The following SPAG17 variants were observed in gnomAD, a reference collection of about 807,000 sequenced individuals.
The protein encoded by SPAG17 is sperm associated antigen 17.
SPAG17 carries 169 observed loss-of-function variants against 273.6 expected under a neutral mutation model. That is an observed-to-expected ratio of 0.62 (90% CI 0.55 to 0.70). SPAG17 has a LOEUF of 0.70. Among genes scored for constraint, SPAG17 ranks in the 30% least tolerant of loss-of-function variants. The probability of loss-of-function intolerance (pLI) is 0.00; values close to 1 mark genes in which losing one functional copy is unlikely to be tolerated. For synonymous variants in SPAG17, 825 were observed against 873.2 expected, an observed-to-expected ratio of 0.94 and a Z score of 0.97; for missense variants, 2,557 against 2,627.8, an observed-to-expected ratio of 0.97 and a Z score of 0.59.
intron 40 of SPAG17, among the ~76,000 whole-genome samples, chr1:117,986,663 C>T (rs574495262): frequency 3.9e-5 from 6 of 152,336 alleles, no homozygotes; most frequent in African/African-American, 1.4e-4. Context: ...TATACCCCAT[C>T]TCTCAATCTC....
rs56029752 is a variant in SPAG17, at chr1:118,062,366, CAAA to C, written c.2540+4376_2540+4378del. Among the ~76,000 whole-genome samples, 329 of 46,408 alleles carry C rather than the reference CAAA, an allele frequency of 7.1e-3. 14 individuals are homozygous for C. The highest frequency in any genetic ancestry group is 0.033 in the African/African-American group (307 of 9,166). The allele number at this position is 46,408 out of a possible 152,430, so 30.4% of individuals were successfully genotyped here. On this transcript the variant is annotated intron_variant, in intron 18 of 48. Coordinates refer to ENST00000336338, the MANE Select transcript of SPAG17 (RefSeq NM_206996.4). Reference sequence around the variant, plus strand: ...TGGGCGACAGAGCGAGACTCCATCTCAAAAAAAAAAAAAAAAAAAAATTAAAGA... The same window carrying C: ...TGGGCGACAGAGCGAGACTCCATCTCAAAAAAAAAAAAAAAAAATTAAAGA...
intron 40 of SPAG17, among the ~76,000 whole-genome samples, 200 bp from the exon 41 acceptor site, chr1:117,984,982 T>C (rs1656251389): frequency 6.6e-6 from 1 of 152,190 alleles, no homozygotes. Flanking sequence ...ATTTCCTACT[T>C]CAAAAATCAG....
At chr1:118,064,619 G>T (rs1353018207) in intron 18 of SPAG17, among the ~76,000 whole-genome samples, 3 of 146,856 alleles carry the variant, frequency 2.0e-5, no homozygotes, top group South Asian at 2.2e-4. Flanking sequence ...ATAGCATTAG[G>T]AGATATACCT....
Position 118,091,711 on chromosome 1 carries a change from T to TGAA in SPAG17, c.1251_1253dup (p.Ser418dup), listed in dbSNP as rs1553249248. On this transcript the variant is annotated inframe_insertion, in exon 10 of 49. Transcript: ENST00000336338. The stretch of plus-strand genomic sequence containing the variant: ...TCATGTCTACTTCAGTTGTGATGAC[T>TGAA]GAAGTCACTGTAAAATATAGAAAAT... 1 of 1,589,094 alleles carries TGAA rather than the reference T, an allele frequency of 6.3e-7. No homozygotes were observed. Among genetic ancestry groups the TGAA allele is most frequent in the African/African-American group, 1.3e-5 (1 of 74,522 alleles).
intron 20 of SPAG17, among the ~76,000 whole-genome samples, chr1:118,043,068 T>G (rs1649956982): frequency 2.0e-5 from 3 of 152,198 alleles, no homozygotes; most frequent in Admixed American, 2.0e-4. Context: ...CTACAGATAT[T>G]GTAATTGCCA....
At chr1:117,976,323 A>T (rs1655131252) in intron 43 of SPAG17, among the ~76,000 whole-genome samples, 1 of 152,226 alleles carries the variant, frequency 6.6e-6, no homozygotes, top group Non-Finnish European at 1.5e-5. Context: ...TCTGAATATT[A>T]CTGCTGGACC....
chr1:118,011,610 T>C (rs1659475141), intron 30 of SPAG17, among the ~76,000 whole-genome samples: 1 of 152,154 alleles, frequency 6.6e-6, no homozygotes, highest in Non-Finnish European at 1.5e-5. Context: ...AAATAACTTA[T>C]GGGTACTAGG....
At chr1:118,007,136 A>G (rs1658982401) in intron 31 of SPAG17, among the ~76,000 whole-genome samples, 1 of 152,142 alleles carries the variant, frequency 6.6e-6, no homozygotes, top group Non-Finnish European at 1.5e-5. Context: ...GTTTGGCATC[A>G]TATCTAAGAA....
intron 5 of SPAG17, 142 bp from the exon 6 acceptor site, chr1:118,099,942 A>C: frequency 1.5e-6 from 1 of 650,940 alleles, no homozygotes; most frequent in Non-Finnish European, 2.6e-6. Flanking sequence ...GCTGGAATGC[A>C]GTCATGTTGA....
chr1:118,158,467 T>C (rs939556156), intron 1 of SPAG17, among the ~76,000 whole-genome samples: 1 of 152,216 alleles, frequency 6.6e-6, no homozygotes, highest in East Asian at 1.9e-4. Flanking sequence ...AATATGAAAA[T>C]GAATCAGTTG....
chr1:118,060,738 G>A lies in SPAG17; in HGVS notation c.2541-4824C>T, dbSNP rs144088510. On this transcript the variant is annotated intron_variant, in intron 18 of 48. Transcript: ENST00000336338. Reference sequence around the variant, plus strand: ...GTGGTGATGAACTCCCTCAGCTTTTGTTTGGGAAAGACTATCTCTCCTTCA... The same window carrying A: ...GTGGTGATGAACTCCCTCAGCTTTTATTTGGGAAAGACTATCTCTCCTTCA... Among the ~76,000 whole-genome samples, 7 of 152,230 alleles carry A rather than the reference G, an allele frequency of 4.6e-5. No homozygotes were observed. In the East Asian group the frequency reaches 1.4e-3, roughly 29 times the overall value.
At chr1:118,008,756 T>C (rs1247909883) in intron 30 of SPAG17, among the ~76,000 whole-genome samples, 4 of 152,180 alleles carry the variant, frequency 2.6e-5, no homozygotes, top group African/African-American at 4.8e-5. Flanking sequence ...CCTGCTTTTT[T>C]CATTTAATAC....
chr1:118,160,273 T>A (rs867130280), intron 1 of SPAG17, among the ~76,000 whole-genome samples: 1 of 152,236 alleles, frequency 6.6e-6, no homozygotes, highest in South Asian at 2.1e-4. Flanking sequence ...ATCTTCCACA[T>A]TAAAAAATAA....
At chr1:118,158,158 T>A (rs1226376612) in intron 1 of SPAG17, among the ~76,000 whole-genome samples, 1 of 152,236 alleles carries the variant, frequency 6.6e-6, no homozygotes, top group Non-Finnish European at 1.5e-5. Flanking sequence ...TTTAAAATTC[T>A]AAAGGAATGT....
At chr1:117,988,990 G>A (rs1292137440) in intron 38 of SPAG17, among the ~76,000 whole-genome samples, 1 of 152,128 alleles carries the variant, frequency 6.6e-6, no homozygotes, top group East Asian at 1.9e-4. Context: ...AAATACGTTA[G>A]TTTGTATTTC....
At chr1:118,094,020 AAAG>A (rs750881793) in intron 7 of SPAG17, among the ~76,000 whole-genome samples, 8 of 152,196 alleles carry the variant, frequency 5.3e-5, no homozygotes, top group Non-Finnish European at 8.8e-5. Context: ...GCCTGGAAGC[AAAG>A]AAGAATGAAA....
chr1:118,088,400 T>A (rs2102177117), intron 10 of SPAG17, among the ~76,000 whole-genome samples: 1 of 152,266 alleles, frequency 6.6e-6, no homozygotes, highest in South Asian at 2.1e-4. Flanking sequence ...ATAAGATAAA[T>A]AAAATAATGA....
chr1:118,149,432 A>G (rs1262950707), intron 3 of SPAG17, among the ~76,000 whole-genome samples: 1 of 152,212 alleles, frequency 6.6e-6, no homozygotes, highest in East Asian at 1.9e-4. Flanking sequence ...GTGGATTTCT[A>G]TAGCCACTCA....
At chr1:118,088,944 T>TTAA (rs1655182478) in intron 10 of SPAG17, among the ~76,000 whole-genome samples, 1 of 152,232 alleles carries the variant, frequency 6.6e-6, no homozygotes, top group South Asian at 2.1e-4. Context: ...AACAAATATG[T>TTAA]ATTTAGTGTC....
Sources: allele counts gnomAD v4.1 joint callset (sites outside exome capture counted in the v4.1 genomes callset), GRCh38; gene constraint gnomAD v4.1.1; transcripts MANE v1.5; gene names NCBI Gene and HGNC (gene_info 2026-07-23, HGNC 2026-07-21).